The following SHISA9 variants were observed in gnomAD, a reference collection of about 807,000 sequenced individuals.
The protein encoded by SHISA9 is shisa family member 9, also known as protein shisa-9.
A neutral mutation model predicts 38.0 loss-of-function variants in SHISA9; 13 were observed. That is an observed-to-expected ratio of 0.34 (90% CI 0.22 to 0.54). The LOEUF (loss-of-function observed/expected upper bound fraction) is 0.54. Among genes scored for constraint, SHISA9 ranks in the 20% least tolerant of loss-of-function variants. The probability of loss-of-function intolerance (pLI) is 0.91; values close to 1 mark genes in which losing one functional copy is unlikely to be tolerated. For synonymous variants in SHISA9, 275 were observed against 242.0 expected (o/e 1.14, Z -1.27); for missense variants, 538 against 575.8 (o/e 0.93, Z 0.67).
chr16:12,925,153 C>CGT (rs146786689), intron 2 of SHISA9, among the ~76,000 whole-genome samples: 3 of 151,634 alleles, frequency 2.0e-5, no homozygotes, highest in East Asian at 1.9e-4. Flanking sequence ...TTGATAACAC[C>CGT]GTGTGTGTGT....
chr16:13,172,741 ATTTTTTT>A (rs35564627), intron 2 of SHISA9, among the ~76,000 whole-genome samples: 3 of 128,898 alleles, frequency 2.3e-5, no homozygotes, highest in African/African-American at 8.8e-5. Flanking sequence ...TATCTTGATG[ATTTTTTT>A]TTTTTTTTTT....
At chr16:13,058,850 A>G (rs1172587278) in intron 2 of SHISA9, among the ~76,000 whole-genome samples, 1 of 151,982 alleles carries the variant, frequency 6.6e-6, no homozygotes, top group Non-Finnish European at 1.5e-5. Flanking sequence ...CACACATAAT[A>G]CCGTTGCTCA....
At chr16:13,007,620 C>A (rs2141848483) in intron 2 of SHISA9, among the ~76,000 whole-genome samples, 1 of 152,322 alleles carries the variant, frequency 6.6e-6, no homozygotes, top group South Asian at 2.1e-4. Flanking sequence ...TTTTATACAA[C>A]CTACAAGGCC....
the SHISA9 span, among the ~76,000 whole-genome samples, chr16:13,313,936 T>C: frequency 5.3e-5 from 8 of 152,172 alleles, no homozygotes; most frequent in African/African-American, 1.7e-4. Context: ...TGGTAGCTCT[T>C]TGGTTCAGTT....
At chr16:13,102,270 C>G (rs1054122633) in intron 2 of SHISA9, among the ~76,000 whole-genome samples, 10 of 152,186 alleles carry the variant, frequency 6.6e-5, no homozygotes, top group African/African-American at 2.4e-4. Flanking sequence ...TTTCTAAACA[C>G]CTAGCACTGT....
At chr16:13,453,608 T>C in the SHISA9 span, among the ~76,000 whole-genome samples, 15 of 152,156 alleles carry the variant, frequency 9.9e-5, no homozygotes, top group African/African-American at 3.6e-4. Flanking sequence ...CAGACAACCC[T>C]CCAGCTGCCT....
chr16:13,118,345 C>G (rs987758125), intron 2 of SHISA9, among the ~76,000 whole-genome samples: 4 of 152,042 alleles, frequency 2.6e-5, no homozygotes, highest in African/African-American at 9.7e-5. Context: ...CTTCCTGGAG[C>G]TTTTCTCAGC....
chr16:13,186,160 A>G (rs1211035553), intron 2 of SHISA9, among the ~76,000 whole-genome samples: 1 of 152,150 alleles, frequency 6.6e-6, no homozygotes, highest in East Asian at 1.9e-4. Context: ...AATGAATACA[A>G]TAATGCCTGG....
chr16:13,420,245 CAAAAAAAAA>C, the SHISA9 span, among the ~76,000 whole-genome samples: 44 of 50,408 alleles, frequency 8.7e-4, 2 homozygotes, highest in East Asian at 8.6e-3. Context: ...GAATCTGTTT[CAAAAAAAAA>C]AAAAAAAAAA....
At chr16:12,913,389 G>C (rs1488936712) in intron 1 of SHISA9, among the ~76,000 whole-genome samples, 1 of 152,122 alleles carries the variant, frequency 6.6e-6, no homozygotes, top group Admixed American at 6.5e-5. Flanking sequence ...TAGAGATGGG[G>C]TTTCACCATG....
chr16:12,903,402 T>G (rs2071048460), intron 1 of SHISA9, among the ~76,000 whole-genome samples: 1 of 152,242 alleles, frequency 6.6e-6, no homozygotes, highest in African/African-American at 2.4e-5. Flanking sequence ...GCACCCTGAT[T>G]TCGTCAACTT....
At chr16:13,368,547 G>A in the SHISA9 span, among the ~76,000 whole-genome samples, 1 of 152,112 alleles carries the variant, frequency 6.6e-6, no homozygotes. Flanking sequence ...AGTGGAGAAT[G>A]CAGTGTGAGC....
chr16:13,003,528 A>G (rs1344581306), intron 2 of SHISA9, among the ~76,000 whole-genome samples: 1 of 152,134 alleles, frequency 6.6e-6, no homozygotes, highest in African/African-American at 2.4e-5. Flanking sequence ...AGAGGACATA[A>G]AAGCAACCTG....
the SHISA9 span, among the ~76,000 whole-genome samples, chr16:13,305,269 T>G: frequency 1.3e-5 from 2 of 152,166 alleles, no homozygotes; most frequent in Admixed American, 1.3e-4. Flanking sequence ...GTTCCACTTG[T>G]GTTGTGATGT....
intron 1 of SHISA9, chr16:12,909,619 C>G: frequency 4.1e-6 from 4 of 985,112 alleles, no homozygotes; most frequent in Non-Finnish European, 4.8e-6. Flanking sequence ...TGGCTGGTCC[C>G]TCCTCATCAC....
downstream of SHISA9, among the ~76,000 whole-genome samples, chr16:13,241,981 G>A (rs1294074064): frequency 6.6e-6 from 1 of 152,184 alleles, no homozygotes; most frequent in Non-Finnish European, 1.5e-5. Flanking sequence ...CCTCTAGTGA[G>A]CCACCTGGTG....
the SHISA9 span, among the ~76,000 whole-genome samples, chr16:13,314,411 A>C: frequency 0.02 from 3,078 of 151,888 alleles, 49 homozygotes; most frequent in Middle Eastern, 0.041. Context: ...TAGTAGTAGT[A>C]GTATTTTTAG....
chr16:13,193,307 G>T (rs913315812), intron 2 of SHISA9, among the ~76,000 whole-genome samples: 2 of 152,116 alleles, frequency 1.3e-5, no homozygotes, highest in Non-Finnish European at 2.9e-5. Flanking sequence ...TAAGAGATGT[G>T]AGGGAAAGTT....
chr16:13,204,547 C>T (rs1259492802), intron 3 of SHISA9, among the ~76,000 whole-genome samples: 1 of 152,122 alleles, frequency 6.6e-6, no homozygotes, highest in Non-Finnish European at 1.5e-5. Context: ...TGGGTAACAC[C>T]CTTCACCTAC....
Sources: allele counts gnomAD v4.1 joint callset (sites outside exome capture counted in the v4.1 genomes callset), GRCh38; gene constraint gnomAD v4.1.1; transcripts MANE v1.5; gene names NCBI Gene and HGNC (gene_info 2026-07-23, HGNC 2026-07-21).